ANKRD45: variants seen among roughly 807,000 people sequenced by gnomAD.
ANKRD45 encodes ankyrin repeat domain-containing protein 45.
A neutral mutation model predicts 28.1 loss-of-function variants in ANKRD45; 21 were observed. The observed-to-expected ratio is 0.75, with a 90% CI of 0.53 to 1.08. The LOEUF is 1.08. Among genes scored for constraint, ANKRD45 ranks in the 50% least tolerant of loss-of-function variants. The pLI, the probability that ANKRD45 is intolerant of heterozygous loss-of-function variation, is 0.00. For synonymous variants in ANKRD45, 86 were observed against 103.9 expected, an observed-to-expected ratio of 0.83 and a Z score of 1.05; for missense variants, 261 against 308.7, an observed-to-expected ratio of 0.85 and a Z score of 1.16.
Position 173,610,218 on chromosome 1 carries a change from G to T in ANKRD45, c.731-3C>A, listed in dbSNP as rs377509806. 41 of 1,613,178 alleles carry T rather than the reference G, an allele frequency of 2.5e-5. No homozygotes were observed. In the African/African-American group the frequency reaches 5.1e-4, roughly 20 times the overall value. On this transcript the variant is annotated splice_polypyrimidine_tract_variant and splice_region_variant and intron_variant, in intron 5 of 5. Coordinates refer to ENST00000333279, the MANE Select transcript of ANKRD45 (RefSeq NM_198493.3). ...AGATTTGGCACTTTTCACTTGACCTGAAAGGAAACAGATTTTAAAATTACA... is the reference window on the plus strand; with the variant it reads ...AGATTTGGCACTTTTCACTTGACCTTAAAGGAAACAGATTTTAAAATTACA...
chr1:173,671,647 G>A (rs1168313253), upstream of ANKRD45, among the ~76,000 whole-genome samples: 1 of 151,302 alleles, frequency 6.6e-6, no homozygotes, highest in African/African-American at 2.4e-5. Context: ...AAGGCGGGCG[G>A]ATCATGAAGT....
intron 2 of ANKRD45, among the ~76,000 whole-genome samples, chr1:173,647,797 TG>T: frequency 7.3e-6 from 1 of 137,432 alleles, no homozygotes; most frequent in Admixed American, 6.6e-5. Flanking sequence ...TACTCTAAAC[TG>T]TTTTTTCAGA....
chr1:173,656,874 A>G (rs577550645), intron 2 of ANKRD45, among the ~76,000 whole-genome samples: 4 of 151,496 alleles, frequency 2.6e-5, no homozygotes, highest in Non-Finnish European at 4.4e-5. Context: ...AGTTTCTTCT[A>G]TTCCTATTTC....
chr1:173,667,478 C>T (rs1181144250), intron 1 of ANKRD45, among the ~76,000 whole-genome samples: 5 of 151,866 alleles, frequency 3.3e-5, no homozygotes, highest in South Asian at 2.1e-4. Context: ...CTGAGGTGGG[C>T]GGATCACAAG....
At chr1:173,706,919 T>C in the ANKRD45 span, among the ~76,000 whole-genome samples, 4 of 152,302 alleles carry the variant, frequency 2.6e-5, no homozygotes, top group South Asian at 6.2e-4. Flanking sequence ...AATGAGTGCA[T>C]TCTTCCCCAC....
chr1:173,669,329 G>A (rs1480269588), intron 1 of ANKRD45: 15 of 418,642 alleles, frequency 3.6e-5, no homozygotes, highest in Non-Finnish European at 6.6e-5. Flanking sequence ...GGAGGCAGGC[G>A]ACGCAGCCTG....
chr1:173,645,742 C>A (rs559906154), intron 3 of ANKRD45, among the ~76,000 whole-genome samples: 2 of 152,160 alleles, frequency 1.3e-5, no homozygotes, highest in Admixed American at 1.3e-4. Context: ...CTCCAACATG[C>A]CACTTTCACT....
the ANKRD45 span, among the ~76,000 whole-genome samples, chr1:173,678,785 A>G: frequency 6.6e-6 from 1 of 152,210 alleles, no homozygotes; most frequent in Non-Finnish European, 1.5e-5. Context: ...TGCAGATGAC[A>G]TGATTGTATA....
chr1:173,610,166 AC>A lies in ANKRD45; in HGVS notation c.779del (p.Ser260IlefsTer43), dbSNP rs1009923654. The A allele has an allele frequency of 6.2e-7, 1 of 1,614,166 alleles. No individual in the cohort carries two copies. Among genetic ancestry groups the A allele is most frequent in the African/African-American group, 1.3e-5 (1 of 75,046 alleles). ...KSVTSHDQKR[S>X]QDDTSN ...ATGTTCAGTTGGAGGTATCATCTTGACTTCTCTTCTGGTCATGGCTTGTTAC... is the reference window on the plus strand; with the variant it reads ...ATGTTCAGTTGGAGGTATCATCTTGATTCTCTTCTGGTCATGGCTTGTTAC... On this transcript the variant is annotated frameshift_variant, in exon 6 of 6. Transcript: ENST00000333279. LOFTEE classifies it high-confidence loss of function.
chr1:173,670,803 G>A (rs892305822), upstream of ANKRD45, among the ~76,000 whole-genome samples: 2 of 152,192 alleles, frequency 1.3e-5, no homozygotes, highest in East Asian at 1.9e-4. Context: ...ATCTGAAACT[G>A]GTTATCAGCA....
At chr1:173,641,209 G>A (rs1013973300) in intron 3 of ANKRD45, among the ~76,000 whole-genome samples, 7 of 152,300 alleles carry the variant, frequency 4.6e-5, no homozygotes, top group African/African-American at 1.4e-4. Context: ...GGCTGAAATC[G>A]ATTAAATATT....
the ANKRD45 span, among the ~76,000 whole-genome samples, chr1:173,708,154 A>G: frequency 3.9e-5 from 6 of 152,208 alleles, no homozygotes; most frequent in African/African-American, 1.4e-4. Context: ...CTTCCATATT[A>G]ACTTTATAAT....
chr1:173,710,016 CT>C, the ANKRD45 span, among the ~76,000 whole-genome samples: 1 of 152,184 alleles, frequency 6.6e-6, no homozygotes, highest in African/African-American at 2.4e-5. Flanking sequence ...CAATTTTATA[CT>C]GTCTGTCTCC....
chr1:173,620,874 GT>G lies in ANKRD45; in HGVS notation c.730+3912del, dbSNP rs1160793163. On this transcript the variant is annotated intron_variant, in intron 5 of 5. Coordinates refer to ENST00000333279, the MANE Select transcript of ANKRD45 (RefSeq NM_198493.3). Reference sequence around the variant, plus strand: ...AAAAAATCAATGAATCCAGGAGCTGGTTTTTTGGAAAAAAATTAATAAAATA... The same window carrying G: ...AAAAAATCAATGAATCCAGGAGCTGGTTTTTGGAAAAAAATTAATAAAATA... 2.6e-5 allele frequency among the ~76,000 whole-genome samples: 4 copies of G among 152,090 alleles called. No individual in the cohort carries two copies. The East Asian group carries it at 7.7e-4, about 29-fold the overall frequency.
chr1:173,639,093 AAC>A (rs1161010837), intron 3 of ANKRD45, among the ~76,000 whole-genome samples: 1 of 152,244 alleles, frequency 6.6e-6, no homozygotes, highest in Non-Finnish European at 1.5e-5. Context: ...CAAGCTTTGA[AAC>A]ATTTGCAGAA....
At chr1:173,610,927 G>C (rs1365976041) in intron 5 of ANKRD45, among the ~76,000 whole-genome samples, 1 of 151,892 alleles carries the variant, frequency 6.6e-6, no homozygotes, top group Non-Finnish European at 1.5e-5. Flanking sequence ...AATCCATTTT[G>C]CAAACAAGCC....
chr1:173,640,174 G>A (rs1668640617), intron 3 of ANKRD45, among the ~76,000 whole-genome samples: 2 of 152,060 alleles, frequency 1.3e-5, no homozygotes, highest in Admixed American at 6.5e-5. Flanking sequence ...TTCCTAAGCT[G>A]ATGTTCCTGT....
the ANKRD45 span, among the ~76,000 whole-genome samples, chr1:173,713,934 T>G: frequency 3.3e-5 from 5 of 152,238 alleles, no homozygotes; most frequent in South Asian, 2.1e-4. Flanking sequence ...TTGCAATCCC[T>G]ATACCTTGAT....
At chr1:173,696,836 G>C in the ANKRD45 span, among the ~76,000 whole-genome samples, 1 of 152,058 alleles carries the variant, frequency 6.6e-6, no homozygotes, top group African/African-American at 2.4e-5. Flanking sequence ...GACAGAACTA[G>C]GCTTCAGAAG....
Sources: allele counts gnomAD v4.1 joint callset (sites outside exome capture counted in the v4.1 genomes callset), GRCh38; gene constraint gnomAD v4.1.1; transcripts MANE v1.5; gene names NCBI Gene and HGNC (gene_info 2026-07-23, HGNC 2026-07-21).